The following ERI1 variants were observed in gnomAD, a reference collection of about 807,000 sequenced individuals.
ERI1 encodes 3'-5' exoribonuclease 1.
In ERI1, 39 loss-of-function variants were observed where a neutral mutation model predicts 39.7. The observed-to-expected ratio is 0.98, with a 90% confidence interval of 0.76 to 1.28. The LOEUF (loss-of-function observed/expected upper bound fraction) is 1.28, where lower values mean the gene tolerates loss of function less well. ERI1 is among the 50% of genes most tolerant of loss of function. The pLI, the probability that ERI1 is intolerant of heterozygous loss-of-function variation, is 0.00. For synonymous variants in ERI1, 204 were observed against 149.6 expected, an observed-to-expected ratio of 1.36 and a Z score of -2.65; for missense variants, 581 against 416.9, an observed-to-expected ratio of 1.39 and a Z score of -3.43.
intron 3 of ERI1, among the ~76,000 whole-genome samples, chr8:9,085,493 C>G (rs1318445877): frequency 6.6e-6 from 1 of 152,046 alleles, no homozygotes; most frequent in Admixed American, 6.6e-5. Context: ...CAGGCCTGAG[C>G]CACCGCGCCC....
intron 3 of ERI1, among the ~76,000 whole-genome samples, chr8:9,066,926 G>A (rs1426543562): frequency 6.6e-6 from 1 of 152,128 alleles, no homozygotes; most frequent in Non-Finnish European, 1.5e-5. Context: ...CACGAACGGT[G>A]ACAGTCGTTC....
At chr8:9,034,560 G>C (rs187258091), downstream of ERI1, among the ~76,000 whole-genome samples, 68 of 151,936 alleles carry the variant, frequency 4.5e-4, no homozygotes, top group African/African-American at 1.4e-3. Flanking sequence ...GGTGGTTTTG[G>C]GGCACCACAG....
intron 3 of ERI1, among the ~76,000 whole-genome samples, chr8:9,015,146 C>T (rs1196935851): frequency 6.6e-6 from 1 of 152,092 alleles, no homozygotes; most frequent in Non-Finnish European, 1.5e-5. Flanking sequence ...CTCAGGTGTT[C>T]TTTTTTGTTC....
chr8:9,009,013 G>C (rs564452536), intron 2 of ERI1: 1 of 456,044 alleles, frequency 2.2e-6, no homozygotes, highest in South Asian at 1.5e-5. Flanking sequence ...CTATTTCCCC[G>C]ATTCTTTCTG....
intron 1 of ERI1, among the ~76,000 whole-genome samples, chr8:9,005,600 C>G (rs1423668917): frequency 6.6e-6 from 1 of 151,146 alleles, no homozygotes; most frequent in Admixed American, 6.6e-5. Context: ...CTGCAAGCTC[C>G]GCCTCACGGG....
intron 3 of ERI1, among the ~76,000 whole-genome samples, chr8:9,068,963 G>A (rs553634326): frequency 1.3e-5 from 2 of 152,202 alleles, no homozygotes; most frequent in South Asian, 4.2e-4. Flanking sequence ...GACTACAGGT[G>A]TGCACCACCA....
At chr8:9,034,363 G>C (rs757242731), downstream of ERI1, among the ~76,000 whole-genome samples, 12 of 152,138 alleles carry the variant, frequency 7.9e-5, no homozygotes, top group Non-Finnish European at 1.6e-4. Flanking sequence ...GTTTTGTTTT[G>C]TTTTTTAACA....
In ERI1 at chr8:9,017,375, A is replaced by G. The variant is rs76444945; in HGVS notation, c.583-922A>G. On this transcript the variant is annotated intron_variant, in intron 4 of 6. Transcript: ENST00000250263. ...TTTTAGGTCTCTGATTTTTTATTGT[A>G]TTCTAATGTGGTAGGCACTTTTTTC... Among the ~76,000 whole-genome samples, 80 of 152,150 alleles carry G rather than the reference A, an allele frequency of 5.3e-4. 1 individual carries two copies. In the East Asian group the frequency reaches 0.012, roughly 23 times the overall value.
chr8:9,011,106 G>C (rs987728243), intron 2 of ERI1, among the ~76,000 whole-genome samples: 1 of 151,966 alleles, frequency 6.6e-6, no homozygotes, highest in South Asian at 2.1e-4. Context: ...GAGATAATAC[G>C]ATATTTTCAA....
At chr8:9,022,436 T>C (rs1377028521) in intron 6 of ERI1, among the ~76,000 whole-genome samples, 1 of 152,238 alleles carries the variant, frequency 6.6e-6, no homozygotes, top group Non-Finnish European at 1.5e-5. Flanking sequence ...AGTCTCATTC[T>C]GTTGCCCAGG....
At chr8:9,056,555 TC>T (rs1798514222) in intron 3 of ERI1, among the ~76,000 whole-genome samples, 1 of 152,182 alleles carries the variant, frequency 6.6e-6, no homozygotes, top group Non-Finnish European at 1.5e-5. Context: ...TAAGGTAAAT[TC>T]CCACAAATGA....
downstream of ERI1, among the ~76,000 whole-genome samples, chr8:9,035,795 G>T (rs185077217): frequency 2.1e-4 from 32 of 152,310 alleles, 1 homozygote; most frequent in Admixed American, 3.9e-4. Flanking sequence ...ATGGATCTAG[G>T]CAAAGTCAGT....
chr8:9,075,814 T>C (rs548687823), intron 3 of ERI1, among the ~76,000 whole-genome samples: 106 of 152,226 alleles, frequency 7.0e-4, no homozygotes, highest in Non-Finnish European at 1.1e-3. Flanking sequence ...TTATTTATTA[T>C]TTTTTATAGA....
chr8:9,023,305 C>A (rs1164916733), intron 6 of ERI1, among the ~76,000 whole-genome samples: 1 of 151,958 alleles, frequency 6.6e-6, no homozygotes, highest in Non-Finnish European at 1.5e-5. Flanking sequence ...GTGTCTCTGT[C>A]TTTTGTATTT....
At chr8:9,068,713 T>C (rs1426667607) in intron 3 of ERI1, among the ~76,000 whole-genome samples, 1 of 152,226 alleles carries the variant, frequency 6.6e-6, no homozygotes, top group African/African-American at 2.4e-5. Flanking sequence ...TACTCTCTCT[T>C]CATTAGAATG....
intron 3 of ERI1, among the ~76,000 whole-genome samples, chr8:9,047,235 G>A (rs1187597987): frequency 2.0e-5 from 3 of 152,200 alleles, no homozygotes; most frequent in Admixed American, 6.5e-5. Context: ...ACATTCATCT[G>A]GCTGGGGACT....
chr8:9,037,257 C>T (rs1053835483), downstream of ERI1, among the ~76,000 whole-genome samples: 1 of 152,140 alleles, frequency 6.6e-6, no homozygotes, highest in Non-Finnish European at 1.5e-5. Flanking sequence ...AATAGTTACT[C>T]CCCTCACCAT....
At chr8:9,048,764 C>G (rs1002303557) in intron 3 of ERI1, among the ~76,000 whole-genome samples, 1 of 152,152 alleles carries the variant, frequency 6.6e-6, no homozygotes, top group Non-Finnish European at 1.5e-5. Context: ...CCCACCTCAG[C>G]TTCCTGAGTA....
chr8:9,013,342 A>T (rs1816877374), intron 3 of ERI1, among the ~76,000 whole-genome samples: 1 of 151,774 alleles, frequency 6.6e-6, no homozygotes, highest in South Asian at 2.1e-4. Flanking sequence ...AAAAAAAAAA[A>T]AATTAACACT....
Sources: gnomAD v4.1 joint callset for allele counts (sites outside exome capture counted in the v4.1 genomes callset) on GRCh38, gnomAD v4.1.1 for gene constraint, MANE v1.5 for transcripts, NCBI Gene and HGNC (gene_info 2026-07-23, HGNC 2026-07-21) for gene names.